Variants in ASCC3 observed in about 807,000 individuals in gnomAD.
The protein encoded by ASCC3 is activating signal cointegrator 1 complex subunit 3.
In ASCC3, 158 loss-of-function variants were observed where a neutral mutation model predicts 256.3. That is an observed-to-expected ratio of 0.62 (90% CI 0.54 to 0.70). The LOEUF is 0.70. Among genes scored for constraint, ASCC3 ranks in the 30% least tolerant of loss-of-function variants. ASCC3 has a pLI of 0.00. For synonymous variants in ASCC3, 948 were observed against 883.4 expected (o/e 1.07, Z -1.30); for missense variants, 2,259 against 2,626.0 (o/e 0.86, Z 3.05).
At chr6:100,681,989 A>T (rs931858398) in intron 13 of ASCC3, among the ~76,000 whole-genome samples, 4 of 152,146 alleles carry the variant, frequency 2.6e-5, no homozygotes, top group East Asian at 1.9e-4. Context: ...AAGATAGAAA[A>T]TTCTGTTATA....
At chr6:100,813,205 C>T (rs953417241) in intron 4 of ASCC3, among the ~76,000 whole-genome samples, 7 of 152,092 alleles carry the variant, frequency 4.6e-5, no homozygotes, top group Non-Finnish European at 1.0e-4. Context: ...CCTGTAATCC[C>T]AGCACTTTGG....
intron 13 of ASCC3, chr6:100,715,212 TATA>T (rs1325037808): frequency 2.9e-6 from 1 of 349,556 alleles, no homozygotes; most frequent in Admixed American, 4.4e-5. Context: ...ACAGTAAGAA[TATA>T]ATATTTAAAA....
chr6:100,788,306 A>AC (rs1180012990), intron 8 of ASCC3, among the ~76,000 whole-genome samples: 1 of 151,988 alleles, frequency 6.6e-6, no homozygotes, highest in Non-Finnish European at 1.5e-5. Flanking sequence ...AAATTTTTAA[A>AC]CCGACAATAT....
At chr6:100,638,949 A>T (rs1473029705) in intron 24 of ASCC3, 128 bp from the exon 25 acceptor site, 2 of 771,508 alleles carry the variant, frequency 2.6e-6, no homozygotes, top group African/African-American at 3.5e-5. Flanking sequence ...ACAAACTCTT[A>T]TATACCCATT....
intron 3 of ASCC3, among the ~76,000 whole-genome samples, chr6:100,849,810 T>C (rs918162907): frequency 6.6e-6 from 1 of 151,970 alleles, no homozygotes; most frequent in Non-Finnish European, 1.5e-5. Flanking sequence ...GGTATCTTTC[T>C]AAAAAACATG....
intron 10 of ASCC3, among the ~76,000 whole-genome samples, chr6:100,755,455 C>T (rs1215348480): frequency 1.3e-5 from 2 of 151,870 alleles, no homozygotes; most frequent in East Asian, 1.9e-4. Context: ...TAACCCCAAC[C>T]TCTAGGGCTC....
Position 100,805,835 on chromosome 6 carries a change from G to T in ASCC3, c.847C>A (p.Leu283Ile). Residue 283 changes from leucine (L) to isoleucine (I), a missense_variant, in exon 5 of 42, where the codon CTC (leucine) becomes ATC (isoleucine). By Grantham distance (5) the Leu-to-Ile change is conservative. Around this residue, in one of 2 missense-constraint regions of ASCC3, gnomAD observed 420 missense variants for 419.3 expected, o/e 1.00. Coordinates refer to ENST00000369162, the MANE Select transcript of ASCC3 (RefSeq NM_006828.4). ...GPEGLELIEK[L>I]LQNRITIVDR... is the part of the protein sequence containing the mutation. ...ACAATTGTAATTCTGTTCTGGAGGA[G>T]TTTCTCAATAAGTTCAAGTCCTTCA... 1.2e-6 allele frequency: 2 copies of T among 1,611,328 alleles called. No homozygotes were observed. Among genetic ancestry groups the T allele is most frequent in the Non-Finnish European group, 1.7e-6 (2 of 1,178,572 alleles).
Position 100,828,611 on chromosome 6 carries a change from C to G in ASCC3, c.801+19537G>C, listed in dbSNP as rs569449753. 3.5e-4 allele frequency among the ~76,000 whole-genome samples: 53 copies of G among 152,204 alleles called. No individual in the cohort carries two copies. The South Asian group carries it at 0.011, about 30-fold the overall frequency. On this transcript the variant is annotated intron_variant, in intron 4 of 41. Coordinates refer to ENST00000369162, the MANE Select transcript of ASCC3 (RefSeq NM_006828.4). The stretch of plus-strand genomic sequence containing the variant: ...TGGTGGGTTTGTGGTCTCACTGGCT[C>G]AGGAGTGAAGCTGCGGATCTTCGCG...
chr6:100,559,477 T>A (rs1769808622), intron 36 of ASCC3, among the ~76,000 whole-genome samples: 1 of 152,208 alleles, frequency 6.6e-6, no homozygotes, highest in South Asian at 2.1e-4. Context: ...AGTTAATATT[T>A]TTTTGTAATG....
chr6:100,520,578 A>G (rs188661056), intron 37 of ASCC3, among the ~76,000 whole-genome samples: 51 of 152,284 alleles, frequency 3.3e-4, no homozygotes, highest in Admixed American at 2.2e-3. Context: ...CAAGCACCAC[A>G]TAATGATGTT....
At chr6:100,743,339 C>T (rs957112400) in intron 10 of ASCC3, among the ~76,000 whole-genome samples, 1 of 152,194 alleles carries the variant, frequency 6.6e-6, no homozygotes, top group African/African-American at 2.4e-5. Flanking sequence ...TTTCATTCCG[C>T]TTCATGATTG....
intron 36 of ASCC3, among the ~76,000 whole-genome samples, chr6:100,551,172 G>T (rs1486198415): frequency 6.6e-6 from 1 of 151,868 alleles, no homozygotes; most frequent in Non-Finnish European, 1.5e-5. Flanking sequence ...AGGTCTTACT[G>T]GGCTGGGTAG....
chr6:100,613,186 GGTACCCATTACCTGAATTGGGTACATT>G (rs1178396037), intron 30 of ASCC3, among the ~76,000 whole-genome samples: 8 of 150,116 alleles, frequency 5.3e-5, no homozygotes, highest in Non-Finnish European at 1.2e-4. Context: ...GGGCTTTTAG[GGTACCCATTACCTGAATTGGGTACATT>G]GTACCCATTA....
chr6:100,634,615 C>T (rs545209535), intron 25 of ASCC3, among the ~76,000 whole-genome samples: 6 of 151,896 alleles, frequency 4.0e-5, no homozygotes, highest in Non-Finnish European at 5.9e-5. Flanking sequence ...AAAGAAAACA[C>T]ACAAATGGCC....
chr6:100,663,910 G>C (rs1196494616), intron 14 of ASCC3, among the ~76,000 whole-genome samples: 1 of 151,990 alleles, frequency 6.6e-6, no homozygotes, highest in African/African-American at 2.4e-5. Context: ...TCATATCTTG[G>C]AAATATACCC....
intron 37 of ASCC3, among the ~76,000 whole-genome samples, chr6:100,535,416 T>C (rs923872887): frequency 1.3e-5 from 2 of 151,748 alleles, no homozygotes; most frequent in Non-Finnish European, 2.9e-5. Context: ...CACAATTTTG[T>C]AGAGAACTTC....
chr6:100,877,958 A>C (rs955883865), intron 1 of ASCC3, among the ~76,000 whole-genome samples: 5 of 152,200 alleles, frequency 3.3e-5, no homozygotes, highest in African/African-American at 1.2e-4. Flanking sequence ...TCATCTAAAG[A>C]AACTGTGATA....
Position 100,589,722 on chromosome 6 carries a change from T to C in ASCC3, c.5462A>G (p.Tyr1821Cys), listed in dbSNP as rs1162359932. The change falls in exon 36 of 42, where the codon TAT (tyrosine) becomes TGT (cysteine). Residue 1821 changes from tyrosine to cysteine, a missense_variant. By Grantham distance (194) the Tyr-to-Cys change is radical. Transcript: ENST00000369162. ...EPLTYGRIAS[Y>C]YYLKHQTVKM... ...AACTGTTTGATGCTTCAAATAGTAA[T>C]AGGAGGCAATTCGGCCATAAGTTAG... The C allele has an allele frequency of 3.7e-6, 6 of 1,613,796 alleles. No homozygotes were observed. Among genetic ancestry groups the C allele is most frequent in the East Asian group, 2.2e-5 (1 of 44,846 alleles).
At chr6:100,685,276 C>CTTGG (rs1777517920) in intron 13 of ASCC3, among the ~76,000 whole-genome samples, 1 of 152,120 alleles carries the variant, frequency 6.6e-6, no homozygotes, top group African/African-American at 2.4e-5. Context: ...AAAGCTGAGG[C>CTTGG]TTGGGGTAGG....
Sources: allele counts gnomAD v4.1 joint callset (sites outside exome capture counted in the v4.1 genomes callset), GRCh38; gene constraint gnomAD v4.1.1; regional missense constraint gnomAD v4.1.1; transcripts MANE v1.5; gene names NCBI Gene and HGNC (gene_info 2026-07-23, HGNC 2026-07-21).